Variants in IGF2BP3 observed in about 807,000 individuals in gnomAD.
IGF2BP3 encodes insulin-like growth factor 2 mRNA-binding protein 3.
IGF2BP3 carries 9 observed loss-of-function variants against 73.8 expected under a neutral mutation model. That is an observed-to-expected ratio of 0.12 (90% CI 0.07 to 0.21). The LOEUF is 0.21. Among genes scored for constraint, IGF2BP3 ranks in the 10% least tolerant of loss-of-function variants. The pLI is 1.00. For missense variants in IGF2BP3, 542 were observed against 714.0 expected (o/e 0.76, Z 2.75); for synonymous variants, 258 against 256.7 (o/e 1.01, Z -0.05).
At chr7:23,452,671 G>A (rs752400052) in intron 2 of IGF2BP3, among the ~76,000 whole-genome samples, 4 of 150,858 alleles carry the variant, frequency 2.7e-5, no homozygotes, top group Non-Finnish European at 5.9e-5. Flanking sequence ...GGCAAGTGGT[G>A]GGCACCTGTA....
chr7:23,361,919 C>T (rs1785239789), intron 3 of IGF2BP3, among the ~76,000 whole-genome samples, 178 bp from the exon 4 acceptor site: 1 of 152,202 alleles, frequency 6.6e-6, no homozygotes, highest in African/African-American at 2.4e-5. Flanking sequence ...AGACTTGTCT[C>T]TTCTGCCCTC....
chr7:23,401,333 T>A (rs1405815701), intron 3 of IGF2BP3, among the ~76,000 whole-genome samples: 1 of 152,030 alleles, frequency 6.6e-6, no homozygotes, highest in African/African-American at 2.4e-5. Flanking sequence ...GCTGCCAGCA[T>A]CATGGAGGCA....
chr7:23,453,705 A>G (rs1313745053), intron 2 of IGF2BP3, among the ~76,000 whole-genome samples: 2 of 152,056 alleles, frequency 1.3e-5, no homozygotes, highest in African/African-American at 4.8e-5. Flanking sequence ...CTCTTTAGCT[A>G]TATGAGTGGC....
intron 3 of IGF2BP3, among the ~76,000 whole-genome samples, chr7:23,373,655 T>A (rs1050720374): frequency 6.6e-6 from 1 of 152,036 alleles, no homozygotes; most frequent in Non-Finnish European, 1.5e-5. Flanking sequence ...TCAAAAAAAA[T>A]TAAAAATAGA....
At position 23,311,016 on chromosome 7, in the gene IGF2BP3, CTT is replaced by C. The variant is rs1301331398; in HGVS notation, c.*1344_*1345del. On this transcript the variant is annotated 3_prime_UTR_variant, in exon 15 of 15. Coordinates refer to ENST00000258729, the MANE Select transcript of IGF2BP3 (RefSeq NM_006547.3). The stretch of plus-strand genomic sequence containing the variant: ...AGTCATTCAAATTATATCCCAAAAA[CTT>C]TTCTTGTATTCTCTATCTTTTGACT... 3 of 152,084 alleles carry C rather than the reference CTT, an allele frequency of 2.0e-5. No homozygotes were observed. The highest frequency in any genetic ancestry group is 2.9e-5 in the Non-Finnish European group (2 of 68,014). The allele number at this position is 152,084 out of a possible 1,614,324, so 9.4% of individuals were successfully genotyped here.
At chr7:23,379,429 T>C (rs910722290) in intron 3 of IGF2BP3, among the ~76,000 whole-genome samples, 1 of 152,216 alleles carries the variant, frequency 6.6e-6, no homozygotes, top group Non-Finnish European at 1.5e-5. Flanking sequence ...GTGATTCCAC[T>C]TCATGTTGTT....
chr7:23,422,948 T>C (rs1310448048), intron 2 of IGF2BP3, among the ~76,000 whole-genome samples: 2 of 152,158 alleles, frequency 1.3e-5, no homozygotes, highest in Non-Finnish European at 2.9e-5. Flanking sequence ...AGATGCCCAC[T>C]AACTTTAGTA....
intron 3 of IGF2BP3, among the ~76,000 whole-genome samples, chr7:23,383,324 T>C (rs1355647767): frequency 6.6e-6 from 1 of 152,174 alleles, no homozygotes; most frequent in African/African-American, 2.4e-5. Context: ...GAAAAATGTC[T>C]ACTCAGATTA....
At chr7:23,324,311 G>GA (rs1424011020) in intron 10 of IGF2BP3, among the ~76,000 whole-genome samples, 2 of 151,670 alleles carry the variant, frequency 1.3e-5, no homozygotes, top group Non-Finnish European at 1.5e-5. Context: ...AAATAAACTA[G>GA]AAAATCTAGA....
At chr7:23,442,618 G>A (rs1345746058) in intron 2 of IGF2BP3, among the ~76,000 whole-genome samples, 1 of 151,944 alleles carries the variant, frequency 6.6e-6, no homozygotes, top group Admixed American at 6.6e-5. Flanking sequence ...GGCTGGTCTC[G>A]AACTCCTGAC....
chr7:23,422,409 G>A (rs1035014295), intron 2 of IGF2BP3, among the ~76,000 whole-genome samples: 3 of 152,136 alleles, frequency 2.0e-5, no homozygotes, highest in Non-Finnish European at 4.4e-5. Context: ...AGTAAAATTA[G>A]CGTGGTGTGG....
intron 2 of IGF2BP3, among the ~76,000 whole-genome samples, chr7:23,451,633 C>G (rs998137879): frequency 6.6e-6 from 1 of 152,032 alleles, no homozygotes; most frequent in Non-Finnish European, 1.5e-5. Flanking sequence ...TTCCTTATAA[C>G]TGCTACAAAA....
intron 10 of IGF2BP3, among the ~76,000 whole-genome samples, chr7:23,326,936 A>T (rs1468579811): frequency 1.1e-5 from 1 of 94,328 alleles, no homozygotes; most frequent in African/African-American, 4.2e-5. Flanking sequence ...GGGAGGGGGG[A>T]GGGATAGCAC....
intron 10 of IGF2BP3, among the ~76,000 whole-genome samples, chr7:23,319,695 T>C (rs1490945667): frequency 6.6e-6 from 1 of 152,204 alleles, no homozygotes; most frequent in East Asian, 1.9e-4. Context: ...CTTATCTATG[T>C]AGGTTTCACT....
chr7:23,327,570 C>T (rs199650), intron 10 of IGF2BP3, among the ~76,000 whole-genome samples: 66,110 of 152,008 alleles, frequency 0.43, 17,544 homozygotes, highest in East Asian at 0.75. Flanking sequence ...CGTGAGCCAC[C>T]GCACCCGTCC....
chr7:23,470,356 C>G lies in IGF2BP3; in HGVS notation c.-246G>C, dbSNP rs1788688293. On this transcript the variant is annotated 5_prime_UTR_variant, in exon 1 of 15. Transcript: ENST00000258729. Reference sequence around the variant, plus strand: ...AAGCCTAGCTACAACCCAAACGCATCCACCAGTCTTCCTAAGTCTTAGGAG... The same window carrying G: ...AAGCCTAGCTACAACCCAAACGCATGCACCAGTCTTCCTAAGTCTTAGGAG... The G allele has an allele frequency of 3.3e-6, 1 of 302,462 alleles. No individual in the cohort carries two copies. Among genetic ancestry groups the G allele is most frequent in the East Asian group, 5.9e-5 (1 of 16,820 alleles). The allele number at this position is 302,462 out of a possible 1,614,324, so 18.7% of individuals were successfully genotyped here. A position where few individuals can be genotyped will look rare whatever the true frequency, so the allele number is the denominator to read the frequency against.
chr7:23,448,709 C>T (rs1231789211), intron 2 of IGF2BP3, among the ~76,000 whole-genome samples: 4 of 152,182 alleles, frequency 2.6e-5, no homozygotes, highest in African/African-American at 9.7e-5. Flanking sequence ...CAGCTCAGTG[C>T]AGCCTCCACC....
intron 10 of IGF2BP3, among the ~76,000 whole-genome samples, chr7:23,341,648 C>T (rs553592761): frequency 1.6e-4 from 25 of 152,012 alleles, no homozygotes; most frequent in African/African-American, 4.6e-4. Flanking sequence ...CCAGCCTGGG[C>T]GAAAGAGTGG....
At chr7:23,376,483 C>T (rs1034238278) in intron 3 of IGF2BP3, among the ~76,000 whole-genome samples, 31 of 142,758 alleles carry the variant, frequency 2.2e-4, no homozygotes, top group African/African-American at 7.9e-4. Flanking sequence ...TGCAGTGAGC[C>T]AAGATCACAC....
Sources: gnomAD v4.1 joint callset for allele counts (sites outside exome capture counted in the v4.1 genomes callset) on GRCh38, gnomAD v4.1.1 for gene constraint, MANE v1.5 for transcripts, NCBI Gene and HGNC (gene_info 2026-07-23, HGNC 2026-07-21) for gene names.